Variants in DIS3L2 observed in about 807,000 individuals in gnomAD.
DIS3L2 encodes the protein DIS3-like exonuclease 2.
DIS3L2 carries 34 observed loss-of-function variants against 97.5 expected under a neutral mutation model. The ratio of observed to expected loss-of-function variants is 0.35; its 90% confidence interval spans 0.27 to 0.46. The LOEUF (loss-of-function observed/expected upper bound fraction) is 0.46. DIS3L2 is among the 20% of genes least tolerant of loss of function. The pLI is 1.00. For synonymous variants in DIS3L2, 435 were observed against 445.2 expected (o/e 0.98, Z 0.29); for missense variants, 1,038 against 1,146.0 (o/e 0.91, Z 1.36).
At chr2:231,990,294 T>C (rs1472862405) in intron 1 of DIS3L2, among the ~76,000 whole-genome samples, 1 of 152,178 alleles carries the variant, frequency 6.6e-6, no homozygotes, top group Non-Finnish European at 1.5e-5. Flanking sequence ...TGGTTTCTTA[T>C]TGTTTCTAAA....
intron 1 of DIS3L2, among the ~76,000 whole-genome samples, chr2:231,993,564 C>T (rs1334679571): frequency 1.3e-5 from 2 of 152,074 alleles, no homozygotes; most frequent in Non-Finnish European, 2.9e-5. Context: ...TCAGTAGTCC[C>T]CCAGTTACCT....
intron 13 of DIS3L2, among the ~76,000 whole-genome samples, chr2:232,279,136 C>T (rs577516228): frequency 6.6e-6 from 1 of 152,270 alleles, no homozygotes; most frequent in East Asian, 1.9e-4. Context: ...GGGGTTTCAC[C>T]ATATTGGTCA....
rs1199349450 is a variant in DIS3L2 at position 232,037,950 on chromosome 2, G to T, written c.366+7870G>T. On this transcript the variant is annotated intron_variant, in intron 5 of 20. Coordinates refer to ENST00000325385, the MANE Select transcript of DIS3L2 (RefSeq NM_152383.5). This position sits in a 1 kb window ranked among gnomAD's most constrained non-coding sequence, Gnocchi z 4.6. ...ACCAGCCTTCTGCGTTGGTCTCACT[G>T]GGAGCTGCAGGCAGAAGCTGTTCCT... Among the ~76,000 whole-genome samples, 2 of 152,220 alleles carry T rather than the reference G, an allele frequency of 1.3e-5. No individual in the cohort carries two copies. The highest frequency in any genetic ancestry group is 2.9e-5 in the Non-Finnish European group (2 of 68,042).
chr2:232,135,003 G>A (rs1312727039), intron 7 of DIS3L2, among the ~76,000 whole-genome samples: 2 of 152,172 alleles, frequency 1.3e-5, no homozygotes, highest in African/African-American at 4.8e-5. Context: ...AAAGCCTGTG[G>A]AGTGCAGCAC....
chr2:232,216,313 TC>T (rs1428066234), intron 10 of DIS3L2, among the ~76,000 whole-genome samples: 1 of 152,228 alleles, frequency 6.6e-6, no homozygotes, highest in Non-Finnish European at 1.5e-5. Context: ...TTCCTTGGAC[TC>T]AAAGGACCCT....
intron 14 of DIS3L2, among the ~76,000 whole-genome samples, chr2:232,316,808 C>T (rs570070725): frequency 6.6e-6 from 1 of 152,316 alleles, no homozygotes; most frequent in African/African-American, 2.4e-5. Context: ...CCAGTTTAAT[C>T]TAAATCTGTT....
chr2:232,004,931 A>G (rs1433631705), intron 1 of DIS3L2, among the ~76,000 whole-genome samples: 2 of 152,144 alleles, frequency 1.3e-5, no homozygotes, highest in South Asian at 2.1e-4. Context: ...GAGAGTTTCA[A>G]TCTCTTCAGT....
At chr2:232,238,995 G>T (rs925902161) in intron 11 of DIS3L2, among the ~76,000 whole-genome samples, 6 of 152,192 alleles carry the variant, frequency 3.9e-5, no homozygotes, top group Admixed American at 3.3e-4. Context: ...CAGCAGAGTG[G>T]CATGACGATT....
intron 11 of DIS3L2, among the ~76,000 whole-genome samples, chr2:232,248,718 T>A (rs1482076477): frequency 6.6e-6 from 1 of 152,218 alleles, no homozygotes; most frequent in African/African-American, 2.4e-5. Context: ...CCTTTCTGTT[T>A]TATCACTCTA....
At chr2:232,110,767 G>C (rs949568076) in intron 6 of DIS3L2, among the ~76,000 whole-genome samples, 3 of 152,086 alleles carry the variant, frequency 2.0e-5, no homozygotes, top group Non-Finnish European at 4.4e-5. Context: ...TAACACCTGG[G>C]TGATGGGATG....
At chr2:232,049,279 A>G (rs1008488636) in intron 5 of DIS3L2, among the ~76,000 whole-genome samples, 2 of 152,212 alleles carry the variant, frequency 1.3e-5, no homozygotes, top group Non-Finnish European at 2.9e-5. Context: ...AAGAGGAATT[A>G]CTAGGTCAAA....
At chr2:232,295,231 A>G (rs570968210) in intron 13 of DIS3L2, among the ~76,000 whole-genome samples, 14 of 152,214 alleles carry the variant, frequency 9.2e-5, no homozygotes, top group African/African-American at 2.6e-4. Context: ...TGTTTTTCCT[A>G]TTCTCCAAAG....
exon 14 of DIS3L2, chr2:232,343,656 C>A: frequency 7.0e-7 from 1 of 1,431,768 alleles, no homozygotes; most frequent in Non-Finnish European, 9.5e-7. Context: ...AAAGGCCAGA[C>A]TTCTAAAAGG....
At chr2:232,041,797 T>TA (rs1695117598) in intron 5 of DIS3L2, among the ~76,000 whole-genome samples, 2 of 152,198 alleles carry the variant, frequency 1.3e-5, no homozygotes, top group African/African-American at 4.8e-5. Context: ...AAAAATATAG[T>TA]AAGACAGGCA....
chr2:232,238,682 GTTTA>G (rs770440331), intron 11 of DIS3L2, 37 bp downstream of exon 11: 3 of 1,550,824 alleles, frequency 1.9e-6, no homozygotes, highest in Admixed American at 3.6e-5. Context: ...TTCTTGCTTT[GTTTA>G]TTTGTTTGTT....
At chr2:231,994,327 AT>A (rs973898311) in intron 1 of DIS3L2, among the ~76,000 whole-genome samples, 4 of 150,636 alleles carry the variant, frequency 2.7e-5, no homozygotes, top group African/African-American at 7.3e-5. Context: ...CTCCAACTTT[AT>A]TTTTTTTGGT....
intron 14 of DIS3L2, among the ~76,000 whole-genome samples, chr2:232,319,780 A>G (rs2106338317): frequency 6.6e-6 from 1 of 152,326 alleles, no homozygotes; most frequent in East Asian, 1.9e-4. Flanking sequence ...CTGCCCTACA[A>G]GATGGGCTTG....
intron 1 of DIS3L2, among the ~76,000 whole-genome samples, chr2:231,976,834 C>A (rs1191496908): frequency 7.1e-6 from 1 of 141,136 alleles, no homozygotes; most frequent in East Asian, 2.2e-4. Context: ...GTGGCGCGAT[C>A]TTGGCTCACT....
chr2:232,048,963 A>G (rs1008267586), intron 5 of DIS3L2, among the ~76,000 whole-genome samples: 1 of 152,200 alleles, frequency 6.6e-6, no homozygotes, highest in Non-Finnish European at 1.5e-5. Context: ...ATATACACAC[A>G]TATAGTTTGG....
Sources: gnomAD v4.1 joint callset for allele counts (sites outside exome capture counted in the v4.1 genomes callset) on GRCh38, gnomAD v4.1.1 for gene constraint, Gnocchi (gnomAD v3.1) non-coding constraint, MANE v1.5 for transcripts, NCBI Gene and HGNC (gene_info 2026-07-23, HGNC 2026-07-21) for gene names.